GABBR2: variants seen among roughly 807,000 people sequenced by gnomAD.
GABBR2 encodes the protein G-protein coupled receptor 51.
Under a neutral mutation model 105.6 loss-of-function variants are expected in GABBR2, and 23 were observed. The observed-to-expected ratio is 0.22, with a 90% CI of 0.16 to 0.31. GABBR2 has a LOEUF of 0.31. Ranked by LOEUF, GABBR2 falls within the 10% of genes least tolerant of loss-of-function variation. The probability of loss-of-function intolerance (pLI) is 1.00; values close to 1 mark genes in which losing one functional copy is unlikely to be tolerated. For missense variants in GABBR2, 734 were observed against 1,245.5 expected (o/e 0.59, Z 6.18); for synonymous variants, 478 against 499.7 (o/e 0.96, Z 0.58).
At chr9:98,393,342 A>ACCATCCATCCATCCATCCATCCACCCAT (rs1832227763) in intron 9 of GABBR2, among the ~76,000 whole-genome samples, 4 of 104,654 alleles carry the variant, frequency 3.8e-5, no homozygotes, top group Non-Finnish European at 7.6e-5. Flanking sequence ...CATCCACCCA[A>ACCATCCATCCATCCATCCATCCACCCAT]CCATCCATCC....
At position 98,309,981 on chromosome 9, in the gene GABBR2, GTTTA is replaced by G. The variant is rs373187369; in HGVS notation, c.2004+1110_2004+1113del. On this transcript the variant is annotated intron_variant, in intron 14 of 18. Coordinates refer to ENST00000259455, the MANE Select transcript of GABBR2 (RefSeq NM_005458.8). ...CATTTGAGCAGCACAAGAGATTCCA[GTTTA>G]TTTGACTTTTGGAGAGAGGGCTTCA... Among the ~76,000 whole-genome samples the G allele has an allele frequency of 2.3e-3, 345 of 152,294 alleles. 1 individual carries two copies. Among genetic ancestry groups the G allele is most frequent in the African/African-American group, 7.8e-3 (324 of 41,566 alleles).
At chr9:98,365,479 G>A (rs1238342975) in intron 12 of GABBR2, among the ~76,000 whole-genome samples, 1 of 152,242 alleles carries the variant, frequency 6.6e-6, no homozygotes, top group African/African-American at 2.4e-5. Context: ...AAGATGCTGA[G>A]AATCAGAGGA....
chr9:98,466,694 T>C (rs761974707), intron 6 of GABBR2, among the ~76,000 whole-genome samples: 2 of 152,248 alleles, frequency 1.3e-5, no homozygotes, highest in Non-Finnish European at 2.9e-5. Flanking sequence ...ATTTTACAGA[T>C]GAGAGACAAA....
intron 1 of GABBR2, among the ~76,000 whole-genome samples, chr9:98,673,585 G>GAAA (rs550807318): frequency 1.4e-3 from 57 of 41,830 alleles, no homozygotes; most frequent in African/African-American, 2.7e-3. Flanking sequence ...TTTCTAAGTT[G>GAAA]AAAAAAAAAA....
intron 1 of GABBR2, among the ~76,000 whole-genome samples, chr9:98,598,585 A>AG (rs1192303812): frequency 1.3e-5 from 2 of 150,772 alleles, no homozygotes; most frequent in African/African-American, 2.4e-5. Context: ...AAGAAGAAGA[A>AG]AAAAAAAATC....
chr9:98,321,310 C>A (rs1218501236), intron 13 of GABBR2, among the ~76,000 whole-genome samples: 1 of 152,130 alleles, frequency 6.6e-6, no homozygotes, highest in Admixed American at 6.5e-5. Flanking sequence ...CCCTCAGAGG[C>A]CCCCTCCATG....
chr9:98,515,238 G>T (rs538173061), intron 3 of GABBR2, among the ~76,000 whole-genome samples: 18 of 152,296 alleles, frequency 1.2e-4, no homozygotes, highest in African/African-American at 3.6e-4. Flanking sequence ...CTGAGAAGTT[G>T]CAAGAGAGGC....
chr9:98,535,734 G>GCTTATTTCCCTTCTTTAATA (rs1828164670), intron 3 of GABBR2, among the ~76,000 whole-genome samples: 3 of 152,088 alleles, frequency 2.0e-5, no homozygotes, highest in African/African-American at 7.2e-5. Context: ...AAAAGACATG[G>GCTTATTTCCCTTCTTTAATA]CGGAAAGTTA....
chr9:98,446,591 G>A (rs573030769), intron 7 of GABBR2, among the ~76,000 whole-genome samples: 1 of 152,274 alleles, frequency 6.6e-6, no homozygotes, highest in South Asian at 2.1e-4. Context: ...TCTCAAATCA[G>A]CTCCTATGTT....
At chr9:98,429,121 G>GGGGTGTGTGTGTGTGTGT in intron 7 of GABBR2, among the ~76,000 whole-genome samples, 2 of 145,580 alleles carry the variant, frequency 1.4e-5, no homozygotes, top group South Asian at 4.4e-4. Flanking sequence ...CCAGGTTTTT[G>GGGGTGTGTGTGTGTGTGT]GTGTGTGTGT....
chr9:98,434,851 A>C (rs1816417754), intron 7 of GABBR2, among the ~76,000 whole-genome samples: 1 of 152,182 alleles, frequency 6.6e-6, no homozygotes, highest in African/African-American at 2.4e-5. Context: ...GTTTGTGAGG[A>C]CCCTGAGATG....
At chr9:98,491,100 TTTTC>T (rs1188189848) in intron 4 of GABBR2, among the ~76,000 whole-genome samples, 9 of 152,176 alleles carry the variant, frequency 5.9e-5, no homozygotes, top group South Asian at 2.1e-4. Context: ...TTTAACAGGC[TTTTC>T]TTTCTTTATT....
intron 11 of GABBR2, among the ~76,000 whole-genome samples, chr9:98,384,983 T>C (rs1409515748): frequency 1.3e-5 from 2 of 152,198 alleles, no homozygotes; most frequent in South Asian, 4.1e-4. Context: ...ATAACAATTA[T>C]AGCTTTTACC....
chr9:98,607,253 C>T (rs935860406), intron 1 of GABBR2: 24 of 1,250,722 alleles, frequency 1.9e-5, no homozygotes, highest in South Asian at 4.8e-5. Context: ...TTGAGGACTA[C>T]GTAAATGCAG....
chr9:98,688,634 A>G (rs1830649897), intron 1 of GABBR2, among the ~76,000 whole-genome samples: 1 of 152,196 alleles, frequency 6.6e-6, no homozygotes, highest in Admixed American at 6.5e-5. Flanking sequence ...CTCAACAAAG[A>G]AAGAGTGGTC....
intron 1 of GABBR2, among the ~76,000 whole-genome samples, chr9:98,701,447 T>C (rs933590597): frequency 6.6e-6 from 1 of 152,078 alleles, no homozygotes; most frequent in South Asian, 2.1e-4. Context: ...AGCTCAGCAG[T>C]TTGCTTAGCC....
At chr9:98,431,126 ACCT>A (rs1825802298) in intron 7 of GABBR2, among the ~76,000 whole-genome samples, 1 of 148,890 alleles carries the variant, frequency 6.7e-6, no homozygotes, top group Non-Finnish European at 1.5e-5. Flanking sequence ...TCATTCCCTC[ACCT>A]CCTTCAATGC....
At chr9:98,372,879 C>A (rs1478858079) in intron 11 of GABBR2, among the ~76,000 whole-genome samples, 1 of 152,168 alleles carries the variant, frequency 6.6e-6, no homozygotes, top group Admixed American at 6.5e-5. Flanking sequence ...AGTATCACAG[C>A]GCTTGTTCAG....
chr9:98,355,195 A>G (rs1166909749), intron 13 of GABBR2, among the ~76,000 whole-genome samples: 2 of 152,206 alleles, frequency 1.3e-5, no homozygotes, highest in African/African-American at 4.8e-5. Flanking sequence ...CAAAACAATT[A>G]CAATAGTAAC....
Sources: allele counts gnomAD v4.1 joint callset (sites outside exome capture counted in the v4.1 genomes callset), GRCh38; gene constraint gnomAD v4.1.1; transcripts MANE v1.5; gene names NCBI Gene and HGNC (gene_info 2026-07-23, HGNC 2026-07-21).